Variants in CAPN14 observed in about 807,000 individuals in gnomAD.
CAPN14 encodes the protein calpain 14.
CAPN14 carries 94 observed loss-of-function variants against 101.3 expected under a neutral mutation model. The observed-to-expected ratio is 0.93, with a 90% CI of 0.79 to 1.10. The LOEUF (loss-of-function observed/expected upper bound fraction) is 1.10. CAPN14 is among the 50% of genes least tolerant of loss of function. The pLI is 0.00. For synonymous variants in CAPN14, 338 were observed against 317.9 expected (o/e 1.06, Z -0.67); for missense variants, 837 against 828.4 (o/e 1.01, Z -0.13).
At chr2:31,220,347 T>G (rs1163925941), upstream of CAPN14, among the ~76,000 whole-genome samples, 1 of 144,782 alleles carries the variant, frequency 6.9e-6, no homozygotes, top group Non-Finnish European at 1.6e-5. Flanking sequence ...CCAACACAAC[T>G]GTAAATAAGA....
At chr2:31,209,370 G>C (rs1205156689) in intron 1 of CAPN14, among the ~76,000 whole-genome samples, 1 of 152,054 alleles carries the variant, frequency 6.6e-6, no homozygotes, top group African/African-American at 2.4e-5. Flanking sequence ...ATAGATGCTG[G>C]GTGCTAGGAA....
At chr2:31,199,413 G>A (rs1681637948) in intron 7 of CAPN14, 57 bp downstream of exon 7, 1 of 1,393,296 alleles carries the variant, frequency 7.2e-7, no homozygotes, top group Non-Finnish European at 1.0e-6. Flanking sequence ...ATAAGCTAGG[G>A]TCCAGAGAGG....
Position 31,230,805 on chromosome 2 carries a change from A to C in CAPN14, c.-177+2986T>G, listed in dbSNP as rs1393141729. Among the ~76,000 whole-genome samples, 1 of 152,162 alleles carries C rather than the reference A, an allele frequency of 6.6e-6. No homozygotes were observed. The highest frequency in any genetic ancestry group is 1.9e-4 in the East Asian group (1 of 5,200). On this transcript the variant is annotated intron_variant and NMD_transcript_variant, in intron 1 of 21. Transcript: ENST00000398824. This position sits in a 1 kb window ranked among gnomAD's most constrained non-coding sequence, Gnocchi z 4.3. ...CACTCACTTTTGTATTTTTAGTTGA[A>C]CGAAAGTTTTAAATTTTGCTAGTGC... is the stretch of plus-strand genomic sequence containing the variant.
intron 16 of CAPN14, among the ~76,000 whole-genome samples, chr2:31,184,173 G>T (rs556011753): frequency 6.6e-6 from 1 of 152,138 alleles, no homozygotes; most frequent in Non-Finnish European, 1.5e-5. Context: ...GTGAGCCACC[G>T]CGCCCGGCCC....
chr2:31,218,229 C>A (rs953087307), upstream of CAPN14, among the ~76,000 whole-genome samples: 4 of 133,632 alleles, frequency 3.0e-5, no homozygotes, highest in Non-Finnish European at 4.8e-5. Flanking sequence ...TTCACTCCCT[C>A]CCCACCCCCA....
At chr2:31,200,111 C>T (rs1309390677) in intron 6 of CAPN14, among the ~76,000 whole-genome samples, 2 of 152,088 alleles carry the variant, frequency 1.3e-5, no homozygotes, top group Non-Finnish European at 2.9e-5. Context: ...TTTAGTGATT[C>T]TCCTGCCTCA....
upstream of CAPN14, among the ~76,000 whole-genome samples, chr2:31,222,264 G>C (rs376138978): frequency 1.3e-5 from 2 of 152,298 alleles, no homozygotes; most frequent in East Asian, 3.9e-4. Context: ...CTTTGAGTCT[G>C]GGCTTTTTCG....
chr2:31,202,167 GA>G lies in CAPN14; in HGVS notation c.380del (p.Phe127SerfsTer23). 6.4e-7 allele frequency: 1 copy of G among 1,551,904 alleles called. No individual in the cohort carries two copies. The highest frequency in any genetic ancestry group is 2.0e-5 in the Admixed American group (1 of 51,012). ...LSRVVPLNQSFTEKYAGIFRF... is the reference protein window; with the variant it reads ...LSRVVPLNQSXTEKYAGIFRF... ...GGAAGATGCCAGCATACTTCTCAGT[GA>G]AACTCTGATTCAGGGGAACAACCCG... On this transcript the variant is annotated frameshift_variant, in exon 4 of 22. Transcript: ENST00000403897. LOFTEE classifies it high-confidence loss of function.
chr2:31,181,398 TTTTCTTTCTTTCTTTCTTTCTTTCTTTC>T (rs538044256), intron 16 of CAPN14, among the ~76,000 whole-genome samples: 1 of 134,980 alleles, frequency 7.4e-6, no homozygotes, highest in African/African-American at 2.9e-5. Flanking sequence ...TTCTTTCTTT[TTTTCTTTCTTTCTTTCTTTCTTTCTTTC>T]TTTCTTTCTT....
At chr2:31,226,168 G>C (rs1025544839) in intron 2 of CAPN14, among the ~76,000 whole-genome samples, 8 of 152,104 alleles carry the variant, frequency 5.3e-5, no homozygotes, top group African/African-American at 1.9e-4. Flanking sequence ...GAGAGAACTA[G>C]TAAAGAATGC....
At chr2:31,194,942 A>C (rs1474013125) in intron 8 of CAPN14, among the ~76,000 whole-genome samples, 2 of 152,260 alleles carry the variant, frequency 1.3e-5, no homozygotes, top group Non-Finnish European at 2.9e-5. Flanking sequence ...GATATTGGAC[A>C]GCAGGCAACA....
intron 1 of CAPN14, among the ~76,000 whole-genome samples, chr2:31,206,806 T>C (rs1356862836): frequency 6.6e-6 from 1 of 152,184 alleles, no homozygotes; most frequent in Non-Finnish European, 1.5e-5. Context: ...ACCACTAATC[T>C]TATTAGCCTC....
At chr2:31,178,444 T>C in intron 18 of CAPN14, 67 bp downstream of exon 18, 3 of 1,240,444 alleles carry the variant, frequency 2.4e-6, no homozygotes, top group Non-Finnish European at 3.5e-6. Context: ...AAGTATCTTC[T>C]ACAGCTTTGC....
intron 2 of CAPN14, among the ~76,000 whole-genome samples, chr2:31,222,550 G>A (rs528352576): frequency 6.6e-6 from 1 of 152,276 alleles, no homozygotes. Context: ...ATGATTAGTG[G>A]AAAAATTCAA....
rs755319282 is a variant in CAPN14, at chr2:31,193,178, C to G, written c.1067G>C (p.Arg356Thr). 5 of 1,551,460 alleles carry G rather than the reference C, an allele frequency of 3.2e-6. No homozygotes were observed. The highest frequency in any genetic ancestry group is 1.2e-5 in the South Asian group (1 of 84,066). Residue 356 changes from arginine (R) to threonine (T), a missense_variant, in exon 10 of 22, where the codon AGA (arginine) becomes ACA (threonine). By Grantham distance (71) the Arg-to-Thr change is moderately conservative. Coordinates refer to ENST00000403897, the MANE Select transcript of CAPN14 (RefSeq NM_001145122.2). ...ACCAGCTGTGCTCCGCTTCTCCCAT[C>G]TCCCCTCCCGCATGGTGTACGTCCA... ...QKWTYTMREG[R>T]WEKRSTAGGQ...
At position 31,177,147 on chromosome 2, in the gene CAPN14, A is replaced by G. The variant is rs903095513; in HGVS notation, c.1856-5T>C. On this transcript the variant is annotated splice_polypyrimidine_tract_variant and splice_region_variant and intron_variant, in intron 19 of 21. Transcript: ENST00000403897. ...CGTCATCACTGAGCATGATTCCTGC[A>G]TTGAGCACAAGCTCCTGCTGTGGGT... 2.1e-5 allele frequency: 32 copies of G among 1,547,100 alleles called. No homozygotes were observed. In the Admixed American group the frequency reaches 4.7e-4, roughly 23 times the overall value.
At chr2:31,199,448 C>A in intron 7 of CAPN14, 22 bp downstream of exon 7, 1 of 1,549,614 alleles carries the variant, frequency 6.5e-7, no homozygotes, top group Non-Finnish European at 8.7e-7. Context: ...AGAGGGAAAC[C>A]GAAGGGCCAA....
chr2:31,178,528 G>C lies in CAPN14; in HGVS notation c.1762C>G (p.Gln588Glu). 6.4e-7 allele frequency: 1 copy of C among 1,550,542 alleles called. No individual in the cohort carries two copies. The highest frequency in any genetic ancestry group is 1.2e-5 in the South Asian group (1 of 83,900). Residue 588 changes from glutamine to glutamate, a missense_variant, in exon 18 of 22, where the codon CAG becomes GAG. Gln to Glu is a conservative substitution (Grantham distance 29). Transcript: ENST00000403897. ...GTTCTTACCTGAGAGAGCTTCAGCTGCTTCCACAGGTCCCTGAATTCCTGG... is the reference window on the plus strand; with the variant it reads ...GTTCTTACCTGAGAGAGCTTCAGCTCCTTCCACAGGTCCCTGAATTCCTGG... ...SIQEFRDLWK[Q>E]LKLSQKVFHK...
chr2:31,211,863 A>T (rs753871443), intron 1 of CAPN14, among the ~76,000 whole-genome samples: 1 of 151,596 alleles, frequency 6.6e-6, no homozygotes, highest in Non-Finnish European at 1.5e-5. Flanking sequence ...AAAATACAAT[A>T]TTTAAAAAAA....
Sources: gnomAD v4.1 joint callset for allele counts (sites outside exome capture counted in the v4.1 genomes callset) on GRCh38, gnomAD v4.1.1 for gene constraint, Gnocchi (gnomAD v3.1) non-coding constraint, MANE v1.5 for transcripts, NCBI Gene and HGNC (gene_info 2026-07-23, HGNC 2026-07-21) for gene names.